The following CPEB2 variants were observed in gnomAD, a reference collection of about 807,000 sequenced individuals.
CPEB2 encodes the protein cytoplasmic polyadenylation element binding protein 2.
Under a neutral mutation model 93.6 loss-of-function variants are expected in CPEB2, and 56 were observed. That is an observed-to-expected ratio of 0.60 (90% CI 0.48 to 0.75). The LOEUF (loss-of-function observed/expected upper bound fraction) is 0.75. Among genes scored for constraint, CPEB2 ranks in the 30% least tolerant of loss-of-function variants. The pLI, the probability that CPEB2 is intolerant of heterozygous loss-of-function variation, is 0.00. For missense variants in CPEB2, 1,579 were observed against 1,395.1 expected (o/e 1.13, Z -2.10); for synonymous variants, 764 against 586.3 (o/e 1.30, Z -4.38).
chr4:15,048,714 G>A lies in CPEB2; in HGVS notation c.2201-3700G>A, dbSNP rs1339256797. Reference sequence around the variant, plus strand: ...TTTAAAACTATGAATTTTCCTTTGAGCCTGGCTTTTGCTGCATTCCAGCAA... The same window carrying A: ...TTTAAAACTATGAATTTTCCTTTGAACCTGGCTTTTGCTGCATTCCAGCAA... On this transcript the variant is annotated intron_variant, in intron 6 of 11. Transcript: ENST00000538197. Among the ~76,000 whole-genome samples, 5 of 151,844 alleles carry A rather than the reference G, an allele frequency of 3.3e-5. No individual in the cohort carries two copies. In the South Asian group the frequency reaches 1.0e-3, roughly 32 times the overall value.
chr4:15,017,708 A>G (rs1373187940), intron 4 of CPEB2: 3 of 151,300 alleles, frequency 2.0e-5, no homozygotes, highest in African/African-American at 7.3e-5. Context: ...GGGTTTTGAA[A>G]GGGGGGGGAG....
At chr4:15,026,982 A>G (rs1191043136) in intron 4 of CPEB2, among the ~76,000 whole-genome samples, 1 of 152,108 alleles carries the variant, frequency 6.6e-6, no homozygotes, top group Non-Finnish European at 1.5e-5. Flanking sequence ...TATCAGCATT[A>G]CTTTTGTTTA....
At chr4:15,036,576 G>A (rs1467951621) in intron 5 of CPEB2, among the ~76,000 whole-genome samples, 1 of 152,034 alleles carries the variant, frequency 6.6e-6, no homozygotes, top group African/African-American at 2.4e-5. Context: ...AATACAAAAT[G>A]ATGTATCATT....
Position 15,003,735 on chromosome 4 carries a change from C to A in CPEB2, c.1062C>A (p.Gly354=). Residue 354 remains glycine (G), a synonymous_variant, in exon 1 of 12, where the codon GGC becomes GGA. Transcript: ENST00000538197. ...SPDLPHPGGG[G]GGGGGGPPGG... ...ACCTTCCACACCCGGGCGGCGGCGG[C>A]GGCGGCGGGGGCGGGGGGCCCCCAG... is the stretch of plus-strand genomic sequence containing the variant. 8.3e-7 allele frequency: 1 copy of A among 1,211,462 alleles called. No homozygotes were observed. The highest frequency in any genetic ancestry group is 2.8e-5 in the South Asian group (1 of 35,964). 75.0% of individuals were successfully genotyped at this position (1,211,462 alleles called of 1,614,324 possible). A position where few individuals can be genotyped will look rare whatever the true frequency, so the allele number is the denominator to read the frequency against.
intron 3 of CPEB2, among the ~76,000 whole-genome samples, chr4:15,015,182 A>G (rs1723979015): frequency 6.6e-6 from 1 of 152,018 alleles, no homozygotes; most frequent in Admixed American, 6.6e-5. Flanking sequence ...CTCCAGACCT[A>G]CTGAATTTGA....
intron 5 of CPEB2, among the ~76,000 whole-genome samples, chr4:15,039,596 G>C (rs1444014930): frequency 4.6e-5 from 7 of 151,958 alleles, no homozygotes; most frequent in Admixed American, 3.9e-4. Context: ...TTGTGGGGAG[G>C]AGTTCTTTTA....
chr4:15,003,461 A>G lies in CPEB2; in HGVS notation c.788A>G (p.Gln263Arg). ...CCGGCAGACCTGCCCCCGCTCCCGC[A>G]GCTCCCTCCCTCGCCGCCTGCAGCC... is the stretch of plus-strand genomic sequence containing the variant. ...QRPADLPPLPQLPPSPPAAPR... is the reference protein window; with the variant it reads ...QRPADLPPLPRLPPSPPAAPR... Residue 263 changes from glutamine (Q) to arginine (R), a missense_variant, in exon 1 of 12, where the codon CAG (glutamine) becomes CGG (arginine). Transcript: ENST00000538197. 7.2e-7 allele frequency: 1 copy of G among 1,379,654 alleles called. No individual in the cohort carries two copies. Among genetic ancestry groups the G allele is most frequent in the Non-Finnish European group, 9.3e-7 (1 of 1,073,810 alleles). The allele number at this position is 1,379,654 out of a possible 1,614,324, so 85.5% of individuals were successfully genotyped here. A position where few individuals can be genotyped will look rare whatever the true frequency, so the allele number is the denominator to read the frequency against.
chr4:15,039,993 T>C (rs547957569), intron 5 of CPEB2, among the ~76,000 whole-genome samples: 1 of 152,312 alleles, frequency 6.6e-6, no homozygotes, highest in African/African-American at 2.4e-5. Context: ...CTAGCACTAC[T>C]TCCATGCAGG....
Position 15,010,946 on chromosome 4 carries a change from T to C in CPEB2, c.2034+2519T>C, listed in dbSNP as rs563378634. Reference sequence around the variant, plus strand: ...AGGTTGATTTTTATTTCTGTTAATATGTAAAATTTTGTGGGTTGGAATTTT... The same window carrying C: ...AGGTTGATTTTTATTTCTGTTAATACGTAAAATTTTGTGGGTTGGAATTTT... On this transcript the variant is annotated intron_variant, in intron 3 of 11. Transcript: ENST00000538197. Among the ~76,000 whole-genome samples the C allele has an allele frequency of 4.6e-5, 7 of 152,260 alleles. 1 individual carries two copies. The highest frequency in any genetic ancestry group is 1.4e-4 in the African/African-American group (6 of 41,558).
rs1180680994 is a variant in CPEB2, at chr4:15,003,854, C to G, written c.1181C>G (p.Pro394Arg). The G allele has an allele frequency of 1.4e-5, 12 of 867,994 alleles. No homozygotes were observed. The highest frequency in any genetic ancestry group is 1.8e-5 in the Non-Finnish European group (12 of 658,106). The allele number at this position is 867,994 out of a possible 1,614,324, so 53.8% of individuals were successfully genotyped here. A position where few individuals can be genotyped will look rare whatever the true frequency, so the allele number is the denominator to read the frequency against. Residue 394 changes from proline (P) to arginine (R), a missense_variant, in exon 1 of 12, where the codon CCC (proline) becomes CGC (arginine). This residue lies in a region of CPEB2 where 1,411 missense variants were observed against 1,056.0 expected (regional missense o/e 1.34). Transcript: ENST00000538197. Reference protein sequence around the residue: ...SVQTASPPPQPQQPPPTQPQQ... With the variant: ...SVQTASPPPQRQQPPPTQPQQ... ...CAGACCGCGTCGCCGCCACCCCAGC[C>G]CCAGCAGCCGCCGCCGACCCAGCCG...
At chr4:15,065,223 T>C (rs1729596105) in intron 11 of CPEB2, among the ~76,000 whole-genome samples, 1 of 152,070 alleles carries the variant, frequency 6.6e-6, no homozygotes, top group African/African-American at 2.4e-5. Flanking sequence ...TTCAGTAGAA[T>C]ACATTCAGAA....
chr4:15,019,933 G>A (rs1200823611), intron 4 of CPEB2, among the ~76,000 whole-genome samples: 2 of 151,968 alleles, frequency 1.3e-5, no homozygotes, highest in African/African-American at 4.8e-5. Flanking sequence ...GGTTACTTCT[G>A]GCTAAGGATA....
chr4:15,026,581 G>T lies in CPEB2; in HGVS notation c.2126-6580G>T, dbSNP rs992917012. ...TCTTTCACATAAGACTGTGTCATGG[G>T]AGCAATGGCCACTTGTGTTTTTGCT... On this transcript the variant is annotated intron_variant, in intron 4 of 11. Coordinates refer to ENST00000538197, the MANE Select transcript of CPEB2 (RefSeq NM_001177382.2). 3.9e-5 allele frequency among the ~76,000 whole-genome samples: 6 copies of T among 152,040 alleles called. No homozygotes were observed. The South Asian group carries it at 1.2e-3, about 31-fold the overall frequency.
intron 8 of CPEB2, among the ~76,000 whole-genome samples, chr4:15,055,816 T>C (rs1011875089): frequency 1.3e-5 from 2 of 152,178 alleles, no homozygotes; most frequent in Non-Finnish European, 2.9e-5. Context: ...CCAGCCTCAG[T>C]GCTTTTATGT....
intron 5 of CPEB2, among the ~76,000 whole-genome samples, chr4:15,035,822 A>AT (rs1354205450): frequency 6.6e-6 from 1 of 152,200 alleles, no homozygotes; most frequent in Non-Finnish European, 1.5e-5. Context: ...ATGTACACAG[A>AT]TACACATTAA....
chr4:15,058,878 G>A (rs1198513350), intron 9 of CPEB2, among the ~76,000 whole-genome samples: 1 of 152,130 alleles, frequency 6.6e-6, no homozygotes, highest in Non-Finnish European at 1.5e-5. Flanking sequence ...GATCTAGGTT[G>A]CATGTTCTTT....
intron 3 of CPEB2, among the ~76,000 whole-genome samples, chr4:15,014,515 T>A (rs1219564997): frequency 6.6e-6 from 1 of 152,006 alleles, no homozygotes; most frequent in Non-Finnish European, 1.5e-5. Context: ...GGTTGGAAAT[T>A]CAGGTTCATA....
In CPEB2 at chr4:15,002,855, C is replaced by T. The variant is rs1230579132; in HGVS notation, c.182C>T (p.Ala61Val). The change falls in exon 1 of 12, where the codon GCC (alanine) becomes GTC (valine). Residue 61 changes from alanine to valine, a missense_variant. Ala to Val is a moderately conservative substitution (Grantham distance 64). This residue lies in a region of CPEB2 where 1,411 missense variants were observed against 1,056.0 expected (regional missense o/e 1.34). Coordinates refer to ENST00000538197, the MANE Select transcript of CPEB2 (RefSeq NM_001177382.2). ...PPLPVTGFLE[A>V]ASPFSVPLGG... is the part of the protein sequence containing the mutation. Reference sequence around the variant, plus strand: ...TTGCCTGTCACCGGCTTCTTAGAGGCCGCCTCCCCCTTCTCCGTCCCCCTC... The same window carrying T: ...TTGCCTGTCACCGGCTTCTTAGAGGTCGCCTCCCCCTTCTCCGTCCCCCTC... The T allele has an allele frequency of 1.3e-6, 2 of 1,534,644 alleles. No homozygotes were observed. Among genetic ancestry groups the T allele is most frequent in the Admixed American group, 2.0e-5 (1 of 50,944 alleles).
intron 7 of CPEB2, among the ~76,000 whole-genome samples, chr4:15,053,270 C>G (rs2109082953): frequency 6.6e-6 from 1 of 152,080 alleles, no homozygotes; most frequent in East Asian, 1.9e-4. Context: ...CCCACTTTAG[C>G]CTCCCAAAGT....
Sources: allele counts gnomAD v4.1 joint callset (sites outside exome capture counted in the v4.1 genomes callset), GRCh38; gene constraint gnomAD v4.1.1; regional missense constraint gnomAD v4.1.1; transcripts MANE v1.5; gene names NCBI Gene and HGNC (gene_info 2026-07-23, HGNC 2026-07-21).